Variants in OXR1 observed in about 807,000 individuals in gnomAD.
The protein encoded by OXR1 is oxidation resistance 1, also known as oxidation resistance protein 1.
Under a neutral mutation model 104.6 loss-of-function variants are expected in OXR1, and 41 were observed. The ratio of observed to expected loss-of-function variants is 0.39; its 90% CI spans 0.31 to 0.51. The LOEUF is 0.51. Among genes scored for constraint, OXR1 ranks in the 20% least tolerant of loss-of-function variants. OXR1 has a pLI of 0.77. For missense variants in OXR1, 955 were observed against 1,031.9 expected (o/e 0.93, Z 1.02); for synonymous variants, 348 against 348.4 (o/e 1.00, Z 0.01).
intron 1 of OXR1, among the ~76,000 whole-genome samples, chr8:106,343,846 A>G (rs1235087595): frequency 6.6e-6 from 1 of 152,206 alleles, no homozygotes; most frequent in East Asian, 1.9e-4. Flanking sequence ...AATTTTTAAA[A>G]CAACATCATG....
intron 11 of OXR1, among the ~76,000 whole-genome samples, chr8:106,728,557 G>T (rs1004332377): frequency 6.6e-6 from 1 of 152,072 alleles, no homozygotes; most frequent in African/African-American, 2.4e-5. Flanking sequence ...AAAATGCATG[G>T]CATGAAATTA....
chr8:106,488,874 T>C (rs1284272516), intron 2 of OXR1, among the ~76,000 whole-genome samples: 1 of 151,692 alleles, frequency 6.6e-6, no homozygotes, highest in Non-Finnish European at 1.5e-5. Flanking sequence ...TCCAGCTTTG[T>C]TCTTTTGGCT....
At chr8:106,542,645 A>C (rs1278533744) in intron 3 of OXR1, among the ~76,000 whole-genome samples, 8 of 152,020 alleles carry the variant, frequency 5.3e-5, no homozygotes, top group Admixed American at 2.6e-4. Context: ...TCCCTTCAGT[A>C]AAACTGTGGT....
intron 3 of OXR1, among the ~76,000 whole-genome samples, chr8:106,642,632 G>A (rs35783079): frequency 0.026 from 3,921 of 152,268 alleles, 69 homozygotes; most frequent in Admixed American, 0.049. Context: ...GAGCACTGCT[G>A]CCCAAAAAGG....
chr8:106,479,319 T>C (rs966448935), intron 2 of OXR1, among the ~76,000 whole-genome samples: 1 of 152,042 alleles, frequency 6.6e-6, no homozygotes, highest in Non-Finnish European at 1.5e-5. Flanking sequence ...CATGCCATCA[T>C]GTCATGATAC....
intron 3 of OXR1, among the ~76,000 whole-genome samples, chr8:106,595,622 A>T (rs916164467): frequency 1.3e-5 from 2 of 152,124 alleles, no homozygotes; most frequent in Admixed American, 6.5e-5. Context: ...ATGGGGGGAA[A>T]ATAGGAAGAA....
chr8:106,592,301 A>C (rs1273448518), intron 3 of OXR1, among the ~76,000 whole-genome samples: 1 of 152,228 alleles, frequency 6.6e-6, no homozygotes, highest in Non-Finnish European at 1.5e-5. Context: ...TAAATAATTT[A>C]AGAGAATAAT....
At chr8:106,379,083 G>A (rs894140913) in intron 2 of OXR1, among the ~76,000 whole-genome samples, 1 of 152,106 alleles carries the variant, frequency 6.6e-6, no homozygotes, top group South Asian at 2.1e-4. Flanking sequence ...TATAGCATAA[G>A]GAGCTCTTAA....
intron 1 of OXR1, among the ~76,000 whole-genome samples, chr8:106,284,793 T>C (rs1266110446): frequency 6.8e-6 from 1 of 146,040 alleles, no homozygotes; most frequent in Non-Finnish European, 1.5e-5. Flanking sequence ...GCTATTAACA[T>C]TAACCTCAAT....
chr8:106,593,003 C>T (rs1307028003), intron 3 of OXR1, among the ~76,000 whole-genome samples: 1 of 152,152 alleles, frequency 6.6e-6, no homozygotes, highest in African/African-American at 2.4e-5. Flanking sequence ...TTTAGAATCC[C>T]TTCCTTGAGT....
intron 1 of OXR1, among the ~76,000 whole-genome samples, chr8:106,338,300 G>C (rs1815045220): frequency 6.6e-6 from 1 of 152,124 alleles, no homozygotes; most frequent in Non-Finnish European, 1.5e-5. Context: ...CTAGGGCTGG[G>C]CGTGGTGGCT....
intron 3 of OXR1, among the ~76,000 whole-genome samples, chr8:106,549,976 G>C (rs1815676742): frequency 6.6e-6 from 1 of 152,170 alleles, no homozygotes; most frequent in Non-Finnish European, 1.5e-5. Flanking sequence ...TCAACTCTTA[G>C]TGTCTGCCTG....
intron 2 of OXR1, among the ~76,000 whole-genome samples, chr8:106,426,848 G>A (rs372269935): frequency 9.2e-5 from 14 of 152,250 alleles, no homozygotes; most frequent in Non-Finnish European, 1.3e-4. Context: ...TATAATCAGC[G>A]ATTTGTGACT....
At chr8:106,562,560 C>G (rs567149086) in intron 3 of OXR1, among the ~76,000 whole-genome samples, 1 of 152,204 alleles carries the variant, frequency 6.6e-6, no homozygotes, top group Non-Finnish European at 1.5e-5. Context: ...GGATATTATC[C>G]AGGAGAACTT....
At chr8:106,299,681 G>C (rs1364533979) in intron 1 of OXR1, among the ~76,000 whole-genome samples, 1 of 151,984 alleles carries the variant, frequency 6.6e-6, no homozygotes, top group Non-Finnish European at 1.5e-5. Flanking sequence ...ATATTATAAA[G>C]TTCACTCCCA....
At chr8:106,432,654 T>C (rs922842184) in intron 2 of OXR1, among the ~76,000 whole-genome samples, 7 of 152,112 alleles carry the variant, frequency 4.6e-5, no homozygotes, top group Non-Finnish European at 1.0e-4. Context: ...GTTTTTTTTT[T>C]CTGCAAAACT....
chr8:106,314,727 C>T (rs1440491765), intron 1 of OXR1, among the ~76,000 whole-genome samples: 1 of 152,176 alleles, frequency 6.6e-6, no homozygotes, highest in African/African-American at 2.4e-5. Flanking sequence ...TGACTTCACA[C>T]AGCTCCTAAC....
At chr8:106,455,832 A>G (rs1820569066) in intron 2 of OXR1, among the ~76,000 whole-genome samples, 1 of 152,230 alleles carries the variant, frequency 6.6e-6, no homozygotes, top group South Asian at 2.1e-4. Flanking sequence ...CATGAAAGAT[A>G]TATTTAGTGT....
chr8:106,750,818 G>A lies in OXR1; in HGVS notation c.2499G>A (p.Ala833=), dbSNP rs186196779. Reference sequence around the variant, plus strand: ...TTATGTATTGCAGAGGAGAATTTGCGCTTTGGCTTGATGGAGATCTCTACC... The same window carrying A: ...TTATGTATTGCAGAGGAGAATTTGCACTTTGGCTTGATGGAGATCTCTACC... ...LAFGGGGGEF[A]LWLDGDLYHG... The change falls in exon 17 of 17, where the codon GCG becomes GCA. Residue 833 remains alanine (A), a synonymous_variant. Coordinates refer to ENST00000517566, the MANE Select transcript of OXR1 (RefSeq NM_001198533.2). 3.6e-5 allele frequency: 58 copies of A among 1,599,134 alleles called. No individual in the cohort carries two copies. The Admixed American group carries it at 3.7e-4, about 10-fold the overall frequency.
Sources: allele counts gnomAD v4.1 joint callset (sites outside exome capture counted in the v4.1 genomes callset), GRCh38; gene constraint gnomAD v4.1.1; transcripts MANE v1.5; gene names NCBI Gene and HGNC (gene_info 2026-07-23, HGNC 2026-07-21).